The following CLTB variants were observed in gnomAD, a reference collection of about 807,000 sequenced individuals.
CLTB encodes the protein clathrin, light chain (Lcb).
Under a neutral mutation model 30.5 loss-of-function variants are expected in CLTB, and 10 were observed. The observed-to-expected ratio is 0.33, with a 90% CI of 0.20 to 0.56. The LOEUF is 0.56. Among genes scored for constraint, CLTB ranks in the 20% least tolerant of loss-of-function variants. The probability of loss-of-function intolerance (pLI) is 0.91; values close to 1 mark genes in which losing one functional copy is unlikely to be tolerated. For missense variants in CLTB, 261 were observed against 308.3 expected (o/e 0.85, Z 1.15); for synonymous variants, 102 against 120.3 (o/e 0.85, Z 1.00).
chr5:176,406,447 G>A, intron 2 of CLTB: 2 of 1,180,494 alleles, frequency 1.7e-6, no homozygotes, highest in Non-Finnish European at 2.1e-6. Flanking sequence ...AAGAGGATGA[G>A]CCACATCCTT....
chr5:176,403,536 C>A lies in CLTB; in HGVS notation c.235-5489G>T, dbSNP rs574389136. Among the ~76,000 whole-genome samples, 5 of 151,968 alleles carry A rather than the reference C, an allele frequency of 3.3e-5. No individual in the cohort carries two copies. The South Asian group carries it at 6.2e-4, about 19-fold the overall frequency. ...GTGACGTGATCTCGGCCCACTGCAA[C>A]CTCCGCCTCCCGGGTTCAAGCAATT... On this transcript the variant is annotated intron_variant, in intron 2 of 5. Coordinates refer to ENST00000310418, the MANE Select transcript of CLTB (RefSeq NM_007097.5).
intron 2 of CLTB, 77 bp from the exon 3 acceptor site, chr5:176,398,124 A>G: frequency 7.5e-7 from 1 of 1,340,544 alleles, no homozygotes; most frequent in South Asian, 1.2e-5. Flanking sequence ...CTGGGGACCC[A>G]CTCATGTCTG....
chr5:176,398,108 C>T (rs541136384), intron 2 of CLTB, 61 bp from the exon 3 acceptor site: 11 of 1,492,646 alleles, frequency 7.4e-6, no homozygotes, highest in Non-Finnish European at 1.0e-5. Flanking sequence ...GTCTCTGCTG[C>T]CCCTGCTGGG....
At chr5:176,412,151 G>A (rs1255768552) in intron 1 of CLTB, among the ~76,000 whole-genome samples, 1 of 150,248 alleles carries the variant, frequency 6.7e-6, no homozygotes, top group Non-Finnish European at 1.5e-5. Flanking sequence ...ACTCCAGCCT[G>A]GGCGACAGAG....
intron 2 of CLTB, chr5:176,406,603 C>T (rs987166807): frequency 1.6e-6 from 2 of 1,289,236 alleles, no homozygotes; most frequent in African/African-American, 3.0e-5. Flanking sequence ...CCCTTCTGTC[C>T]CTGCCCCTGG....
chr5:176,402,101 G>C (rs867614202), intron 2 of CLTB, among the ~76,000 whole-genome samples: 1 of 152,052 alleles, frequency 6.6e-6, no homozygotes, highest in African/African-American at 2.4e-5. Context: ...TCAGGAGTTC[G>C]AGACCACCCT....
At chr5:176,405,429 A>G (rs1177618697) in intron 2 of CLTB, among the ~76,000 whole-genome samples, 1 of 150,454 alleles carries the variant, frequency 6.6e-6, no homozygotes, top group Non-Finnish European at 1.5e-5. Flanking sequence ...TCAAGGCTGC[A>G]GTGAGCCATG....
intron 2 of CLTB, among the ~76,000 whole-genome samples, chr5:176,398,293 T>C (rs1425431486): frequency 1.3e-5 from 2 of 152,214 alleles, no homozygotes; most frequent in Non-Finnish European, 2.9e-5. Context: ...GGCCCAGTTA[T>C]AGGTTTTGAT....
intron 5 of CLTB, among the ~76,000 whole-genome samples, chr5:176,395,900 C>T (rs532072912): frequency 5.3e-5 from 8 of 152,226 alleles, no homozygotes; most frequent in African/African-American, 9.6e-5. Flanking sequence ...TTTGGGAGGC[C>T]GAGGTGGGTG....
In CLTB at chr5:176,416,520, G is replaced by C. The variant is rs1757702177; in HGVS notation, c.-157C>G. On this transcript the variant is annotated 5_prime_UTR_variant, in exon 1 of 6. Coordinates refer to ENST00000310418, the MANE Select transcript of CLTB (RefSeq NM_007097.5). ...CGGACCGCACTTCCTCTCCGCCACC[G>C]GGCCCGGCTGGCTGTCACTGCGGTG... 2 of 483,018 alleles carry C rather than the reference G, an allele frequency of 4.1e-6. No homozygotes were observed. The highest frequency in any genetic ancestry group is 3.1e-6 in the Non-Finnish European group (1 of 323,764). The allele number at this position is 483,018 out of a possible 1,614,324, so 29.9% of individuals were successfully genotyped here.
chr5:176,398,135 G>A (rs761564084), intron 2 of CLTB, 88 bp from the exon 3 acceptor site: 35 of 1,222,430 alleles, frequency 2.9e-5, no homozygotes, highest in Non-Finnish European at 7.2e-6. Context: ...CTCATGTCTG[G>A]ATAACTCAGC....
At chr5:176,413,522 T>C (rs1447140902) in intron 1 of CLTB, among the ~76,000 whole-genome samples, 1 of 152,182 alleles carries the variant, frequency 6.6e-6, no homozygotes, top group South Asian at 2.1e-4. Context: ...CTACACCAGA[T>C]ACCTCTTTCC....
At chr5:176,403,636 TAG>T (rs1244179556) in intron 2 of CLTB, among the ~76,000 whole-genome samples, 1 of 151,624 alleles carries the variant, frequency 6.6e-6, no homozygotes, top group Non-Finnish European at 1.5e-5. Context: ...GTATTTTTAG[TAG>T]AGACAGGGCT....
intron 2 of CLTB, among the ~76,000 whole-genome samples, chr5:176,400,063 C>T (rs1241497430): frequency 2.0e-5 from 3 of 151,504 alleles, no homozygotes; most frequent in African/African-American, 4.8e-5. Flanking sequence ...TGGTGGCCCG[C>T]ACCTGTAATC....
intron 2 of CLTB, among the ~76,000 whole-genome samples, chr5:176,402,197 G>T (rs1024409309): frequency 6.6e-6 from 1 of 152,200 alleles, no homozygotes; most frequent in African/African-American, 2.4e-5. Flanking sequence ...AGCTACTCAG[G>T]AGGCTGAGGC....
At chr5:176,400,225 G>A (rs1024384177) in intron 2 of CLTB, among the ~76,000 whole-genome samples, 13 of 151,182 alleles carry the variant, frequency 8.6e-5, no homozygotes, top group Non-Finnish European at 1.9e-4. Flanking sequence ...AAGAAAGAAA[G>A]AAAAAAAGGA....
At chr5:176,399,133 C>A (rs564279584) in intron 2 of CLTB, among the ~76,000 whole-genome samples, 4 of 152,254 alleles carry the variant, frequency 2.6e-5, no homozygotes, top group African/African-American at 9.6e-5. Context: ...CTTGAGCCAC[C>A]GTGACCAGCC....
chr5:176,397,941 AGCCGTTT>A lies in CLTB; in HGVS notation c.334_340del (p.Lys112CysfsTer34). On this transcript the variant is annotated frameshift_variant, in exon 3 of 6. Transcript: ENST00000310418. LOFTEE classifies it high-confidence loss of function. ...AGCCCCGCCCTCACCCAGCTCTTGC[AGCCGTTT>A]CCTCTGCTCCTCTCGCCACTTGCGG... 6.2e-7 allele frequency: 1 copy of A among 1,613,774 alleles called. No homozygotes were observed. Among genetic ancestry groups the A allele is most frequent in the Non-Finnish European group, 8.5e-7 (1 of 1,179,986 alleles).
At chr5:176,395,814 C>T (rs1200633377) in intron 5 of CLTB, among the ~76,000 whole-genome samples, 1 of 152,176 alleles carries the variant, frequency 6.6e-6, no homozygotes, top group Non-Finnish European at 1.5e-5. Context: ...TCCAGCATCC[C>T]ATGCTCAGTG....
Sources: allele counts gnomAD v4.1 joint callset (sites outside exome capture counted in the v4.1 genomes callset), GRCh38; gene constraint gnomAD v4.1.1; transcripts MANE v1.5; gene names NCBI Gene and HGNC (gene_info 2026-07-23, HGNC 2026-07-21).